CFDP1: variants seen among roughly 807,000 people sequenced by gnomAD.
CFDP1 encodes the protein heterochromatin-stabilizing protein CFDP1.
A neutral mutation model predicts 40.1 loss-of-function variants in CFDP1; 31 were observed. That is an observed-to-expected ratio of 0.77 (90% CI 0.58 to 1.04). The LOEUF is 1.04. CFDP1 is among the 50% of genes least tolerant of loss of function. The pLI is 0.00. For missense variants in CFDP1, 423 were observed against 343.4 expected, an observed-to-expected ratio of 1.23 and a Z score of -1.83; for synonymous variants, 167 against 120.0, an observed-to-expected ratio of 1.39 and a Z score of -2.56.
chr16:75,371,172 C>T (rs995523890), intron 5 of CFDP1, among the ~76,000 whole-genome samples: 3 of 152,126 alleles, frequency 2.0e-5, no homozygotes, highest in African/African-American at 4.8e-5. Context: ...TCCTTTGTAC[C>T]GCAGGATGTT....
chr16:75,350,773 C>G (rs1390607666), intron 5 of CFDP1, among the ~76,000 whole-genome samples: 1 of 151,868 alleles, frequency 6.6e-6, no homozygotes, highest in Non-Finnish European at 1.5e-5. Flanking sequence ...TGAGGAAACT[C>G]TCAAATGAAA....
intron 5 of CFDP1, among the ~76,000 whole-genome samples, chr16:75,346,582 C>CAAAAAAAAAAAAAAAAAAAAAAAAA (rs748081401): frequency 3.4e-5 from 2 of 59,344 alleles, no homozygotes; most frequent in African/African-American, 7.3e-5. Context: ...GACTCTGTCT[C>CAAAAAAAAAAAAAAAAAAAAAAAAA]AAAAAAAAAA....
chr16:75,393,663 G>A (rs1325778269), intron 5 of CFDP1, among the ~76,000 whole-genome samples: 5 of 145,088 alleles, frequency 3.4e-5, no homozygotes, highest in South Asian at 2.2e-4. Context: ...CCCGGGAAGC[G>A]GAGCTTGCAG....
intron 5 of CFDP1, among the ~76,000 whole-genome samples, chr16:75,321,454 C>G (rs188705928): frequency 6.6e-6 from 1 of 152,216 alleles, no homozygotes; most frequent in Non-Finnish European, 1.5e-5. Context: ...CTCACCAGCT[C>G]TTGGCAACTA....
intron 4 of CFDP1, among the ~76,000 whole-genome samples, chr16:75,399,967 GGCA>G (rs71380729): frequency 0.17 from 25,701 of 151,788 alleles, 2,304 homozygotes; most frequent in Middle Eastern, 0.22. Flanking sequence ...CAGTGGTGGT[GGCA>G]CATGCCTGTA....
chr16:75,356,628 G>C (rs1298982231), intron 5 of CFDP1, among the ~76,000 whole-genome samples: 2 of 152,078 alleles, frequency 1.3e-5, no homozygotes, highest in Admixed American at 1.3e-4. Flanking sequence ...TAGCAAAAGA[G>C]CCACCTTATC....
At chr16:75,308,213 C>A (rs973313299) in intron 5 of CFDP1, among the ~76,000 whole-genome samples, 2 of 152,214 alleles carry the variant, frequency 1.3e-5, no homozygotes, top group African/African-American at 2.4e-5. Context: ...AAACGGCCAG[C>A]CTCCTACCCT....
chr16:75,346,341 T>C (rs1036233527), intron 5 of CFDP1, among the ~76,000 whole-genome samples: 15 of 152,146 alleles, frequency 9.9e-5, no homozygotes, highest in African/African-American at 3.4e-4. Flanking sequence ...TCCAGCACTT[T>C]GGCAGGCCGA....
At chr16:75,405,023 T>C (rs945635600) in intron 4 of CFDP1, among the ~76,000 whole-genome samples, 2 of 152,194 alleles carry the variant, frequency 1.3e-5, no homozygotes, top group Non-Finnish European at 2.9e-5. Flanking sequence ...CTGTTATTGG[T>C]CCAAGATGAG....
At chr16:75,407,329 C>G (rs1189305368) in intron 4 of CFDP1, among the ~76,000 whole-genome samples, 1 of 152,056 alleles carries the variant, frequency 6.6e-6, no homozygotes, top group Non-Finnish European at 1.5e-5. Flanking sequence ...AATAGTGTTT[C>G]TACAAATTAA....
intron 5 of CFDP1, among the ~76,000 whole-genome samples, chr16:75,368,792 G>A (rs955525837): frequency 6.6e-6 from 1 of 151,526 alleles, no homozygotes; most frequent in African/African-American, 2.4e-5. Context: ...GTGCCACTAC[G>A]CCCAGCTAAT....
chr16:75,342,599 C>T lies in CFDP1; in HGVS notation c.651-37417G>A, dbSNP rs187402015. Among the ~76,000 whole-genome samples, 652 of 152,266 alleles carry T rather than the reference C, an allele frequency of 4.3e-3. 4 individuals carry two copies. The highest frequency in any genetic ancestry group is 6.1e-3 in the Non-Finnish European group (415 of 68,026). On this transcript the variant is annotated intron_variant, in intron 5 of 6. Coordinates refer to ENST00000283882, the MANE Select transcript of CFDP1 (RefSeq NM_006324.3). ...AGTTAGAGTTCTGCCTGGCCCTGTACATCTGCACACGTGGGCTCTATCTGC... is the reference window on the plus strand; with the variant it reads ...AGTTAGAGTTCTGCCTGGCCCTGTATATCTGCACACGTGGGCTCTATCTGC...
intron 5 of CFDP1, among the ~76,000 whole-genome samples, chr16:75,380,558 A>G (rs2078844193): frequency 6.9e-6 from 1 of 145,544 alleles, no homozygotes; most frequent in Admixed American, 6.9e-5. Context: ...AAGAGTTAGG[A>G]AAAAAAAAAA....
chr16:75,398,392 C>G (rs912580979), intron 4 of CFDP1, among the ~76,000 whole-genome samples: 6 of 152,156 alleles, frequency 3.9e-5, no homozygotes, highest in Non-Finnish European at 7.4e-5. Flanking sequence ...TGATACTACC[C>G]CAGTTAGAGG....
intron 5 of CFDP1, among the ~76,000 whole-genome samples, chr16:75,353,309 T>C (rs1433189284): frequency 6.6e-6 from 1 of 152,198 alleles, no homozygotes; most frequent in East Asian, 1.9e-4. Flanking sequence ...GTGAATAGTA[T>C]GTAGTTATGT....
At chr16:75,408,426 C>A (rs551611733) in intron 4 of CFDP1, among the ~76,000 whole-genome samples, 51 of 152,148 alleles carry the variant, frequency 3.4e-4, no homozygotes, top group African/African-American at 1.2e-3. Context: ...GTCATCAATA[C>A]AACTTAGATT....
At chr16:75,429,446 G>C (rs1429882567) in intron 1 of CFDP1, among the ~76,000 whole-genome samples, 2 of 152,200 alleles carry the variant, frequency 1.3e-5, no homozygotes, top group Non-Finnish European at 2.9e-5. Context: ...CTGAGGTCAG[G>C]AGTTCAATAT....
At chr16:75,363,854 C>G (rs1156850087) in intron 5 of CFDP1, among the ~76,000 whole-genome samples, 3 of 151,626 alleles carry the variant, frequency 2.0e-5, no homozygotes, top group Non-Finnish European at 4.4e-5. Flanking sequence ...CTATTATGAA[C>G]CAAGTACTGA....
At chr16:75,295,170 C>T (rs1475004235) in intron 6 of CFDP1, among the ~76,000 whole-genome samples, 2 of 152,202 alleles carry the variant, frequency 1.3e-5, no homozygotes, top group Non-Finnish European at 2.9e-5. Flanking sequence ...CTGTGTTCCC[C>T]TGCTGAGTCC....
Sources: gnomAD v4.1 joint callset for allele counts (sites outside exome capture counted in the v4.1 genomes callset) on GRCh38, gnomAD v4.1.1 for gene constraint, MANE v1.5 for transcripts, NCBI Gene and HGNC (gene_info 2026-07-23, HGNC 2026-07-21) for gene names.